Variants in PTCD3 observed in about 807,000 individuals in gnomAD.
PTCD3 encodes the protein small ribosomal subunit protein mS39.
In PTCD3, 89 loss-of-function variants were observed where a neutral mutation model predicts 101.9. The observed-to-expected ratio is 0.87, with a 90% CI of 0.74 to 1.04. The LOEUF is 1.04. Ranked by LOEUF, PTCD3 falls within the 50% of genes least tolerant of loss-of-function variation. The pLI is 0.00. For synonymous variants in PTCD3, 296 were observed against 278.5 expected (o/e 1.06, Z -0.63); for missense variants, 870 against 828.2 (o/e 1.05, Z -0.62).
chr2:86,110,964 C>T, intron 3 of PTCD3, 149 bp from the exon 4 acceptor site: 1 of 802,720 alleles, frequency 1.2e-6, no homozygotes, highest in Non-Finnish European at 2.2e-6. Context: ...TTCTTAATTT[C>T]TAATTTATTC....
intron 12 of PTCD3, 126 bp downstream of exon 12, chr2:86,126,006 G>A (rs749383515): frequency 6.8e-6 from 4 of 586,416 alleles, no homozygotes; most frequent in Non-Finnish European, 1.2e-5. Context: ...GAGGCGGGCA[G>A]ATCACCTGAG....
rs778971151 is a variant in PTCD3, at chr2:86,136,592, G to A, written c.1820+30G>A. 2.5e-6 allele frequency: 4 copies of A among 1,599,468 alleles called. No homozygotes were observed. In the Admixed American group the frequency reaches 6.7e-5, roughly 27 times the overall value. Reference sequence around the variant, plus strand: ...GTTGAAATCAGCCAGCTCTCTTTGGGTACAGCCTGGAAGTAGCCACATTTG... The same window carrying A: ...GTTGAAATCAGCCAGCTCTCTTTGGATACAGCCTGGAAGTAGCCACATTTG... On this transcript the variant is annotated intron_variant, in intron 22 of 23. Coordinates refer to ENST00000254630, the MANE Select transcript of PTCD3 (RefSeq NM_017952.6).
intron 8 of PTCD3, among the ~76,000 whole-genome samples, chr2:86,122,373 G>A (rs1018490193): frequency 6.6e-6 from 1 of 152,088 alleles, no homozygotes; most frequent in Non-Finnish European, 1.5e-5. Flanking sequence ...GTTTTTCTTC[G>A]TTTCTATCTT....
At chr2:86,115,801 G>A (rs1362826040) in intron 4 of PTCD3, among the ~76,000 whole-genome samples, 1 of 152,162 alleles carries the variant, frequency 6.6e-6, no homozygotes, top group Non-Finnish European at 1.5e-5. Context: ...ATGGGTAACA[G>A]GACGTGGGAG....
rs2104467922 is a variant in PTCD3, at chr2:86,142,114, T to C, written c.*4555T>C. 1 of 152,294 alleles carries C rather than the reference T, an allele frequency of 6.6e-6. No individual in the cohort carries two copies. Among genetic ancestry groups the C allele is most frequent in the Admixed American group, 6.5e-5 (1 of 15,288 alleles). The allele number at this position is 152,294 out of a possible 1,614,324, so 9.4% of individuals were successfully genotyped here. On this transcript the variant is annotated 3_prime_UTR_variant, in exon 24 of 24. Transcript: ENST00000254630. ...TACTAAGATTCAGAAGCTTGTAGTC[T>C]TCATTATTTTGTTTTACAGGTTAAA... is the stretch of plus-strand genomic sequence containing the variant.
rs747022325 is a variant in PTCD3 at position 86,141,726 on chromosome 2, C to T, written c.*4167C>T. The T allele has an allele frequency of 2.0e-5, 3 of 149,382 alleles. No individual in the cohort carries two copies. In the South Asian group the frequency reaches 6.2e-4, roughly 31 times the overall value. The allele number at this position is 149,382 out of a possible 1,614,324, so 9.3% of individuals were successfully genotyped here. On this transcript the variant is annotated 3_prime_UTR_variant, in exon 24 of 24. Coordinates refer to ENST00000254630, the MANE Select transcript of PTCD3 (RefSeq NM_017952.6). Reference sequence around the variant, plus strand: ...GAGTAAAACAGATTGAGGATGAAACCAAGACAGAAGTGATGATTTGGCTTT... The same window carrying T: ...GAGTAAAACAGATTGAGGATGAAACTAAGACAGAAGTGATGATTTGGCTTT...
chr2:86,116,411 C>A (rs369004525), intron 4 of PTCD3, 119 bp from the exon 5 acceptor site: 3 of 813,248 alleles, frequency 3.7e-6, no homozygotes, highest in Non-Finnish European at 6.0e-6. Context: ...GTGGCACACA[C>A]CTGTAGCCTA....
chr2:86,130,894 T>C, intron 15 of PTCD3, 157 bp downstream of exon 15: 1 of 1,451,572 alleles, frequency 6.9e-7, no homozygotes, highest in Non-Finnish European at 9.1e-7. Context: ...AGCTTAGTAA[T>C]ATTTGCCATG....
chr2:86,108,163 A>C (rs371707975), intron 1 of PTCD3, among the ~76,000 whole-genome samples, 187 bp from the exon 2 acceptor site: 2 of 151,860 alleles, frequency 1.3e-5, no homozygotes, highest in African/African-American at 4.8e-5. Context: ...AGTCTTGTCC[A>C]TATCTTGTAT....
intron 21 of PTCD3, 100 bp downstream of exon 21, chr2:86,135,087 A>C: frequency 7.4e-7 from 1 of 1,342,520 alleles, no homozygotes; most frequent in Non-Finnish European, 1.0e-6. Flanking sequence ...GCCACATAAC[A>C]CGTATTTGAT....
chr2:86,108,504 TGAA>T lies in PTCD3; in HGVS notation c.167_169del (p.Glu56del). Reference sequence around the variant, plus strand: ...ATGTTTTCTTTTTTACATTAGGGATTGAAGAAGTAGTAATTCCAAAAAAGAAAA... The same window carrying T: ...ATGTTTTCTTTTTTACATTAGGGATTGAAGTAGTAATTCCAAAAAAGAAAA... On this transcript the variant is annotated inframe_deletion, in exon 3 of 24. Coordinates refer to ENST00000254630, the MANE Select transcript of PTCD3 (RefSeq NM_017952.6). 6.3e-7 allele frequency: 1 copy of T among 1,597,544 alleles called. No homozygotes were observed. The highest frequency in any genetic ancestry group is 2.2e-5 in the East Asian group (1 of 44,682).
chr2:86,121,509 G>C lies in PTCD3; in HGVS notation c.569G>C (p.Ser190Thr). The change falls in exon 8 of 24, where the codon AGT (serine) becomes ACT (threonine). Residue 190 changes from serine to threonine, a missense_variant. Coordinates refer to ENST00000254630, the MANE Select transcript of PTCD3 (RefSeq NM_017952.6). Reference protein sequence around the residue: ...GTTVSLETTNSLLDLLCYYGD... With the variant: ...GTTVSLETTNTLLDLLCYYGD... ...ACTGTGTCTCTTGAAACAACAAATA[G>C]TCTCTTGGATTTATTGTGTTACTAT... is the stretch of plus-strand genomic sequence containing the variant. 1 of 1,606,768 alleles carries C rather than the reference G, an allele frequency of 6.2e-7. No homozygotes were observed.
At chr2:86,136,275 CA>C (rs1394761084) in intron 21 of PTCD3, among the ~76,000 whole-genome samples, 1 of 152,148 alleles carries the variant, frequency 6.6e-6, no homozygotes, top group Non-Finnish European at 1.5e-5. Context: ...TTGACATTGG[CA>C]GCATATCAGA....
intron 1 of PTCD3, 69 bp from the exon 2 acceptor site, chr2:86,108,281 C>T: frequency 1.3e-6 from 2 of 1,533,642 alleles, no homozygotes; most frequent in Non-Finnish European, 1.8e-6. Context: ...GCTCAAAGTA[C>T]ACATAGGTGG....
intron 14 of PTCD3, among the ~76,000 whole-genome samples, chr2:86,129,705 T>C (rs1674461613): frequency 6.6e-6 from 1 of 152,118 alleles, no homozygotes; most frequent in Admixed American, 6.6e-5. Context: ...CTAGAAACAA[T>C]ACATTGAAAA....
intron 4 of PTCD3, 22 bp from the exon 5 acceptor site, chr2:86,116,508 T>C (rs1674180775): frequency 6.4e-7 from 1 of 1,574,498 alleles, no homozygotes; most frequent in African/African-American, 1.4e-5. Context: ...AATATAGAAA[T>C]TGTATTATGT....
At position 86,134,010 on chromosome 2, in the gene PTCD3, C is replaced by T. The variant is rs184660144; in HGVS notation, c.1544-282C>T. Among the ~76,000 whole-genome samples the T allele has an allele frequency of 2.0e-5, 3 of 152,302 alleles. No homozygotes were observed. In the East Asian group the frequency reaches 5.8e-4, roughly 29 times the overall value. On this transcript the variant is annotated intron_variant, in intron 19 of 23. Coordinates refer to ENST00000254630, the MANE Select transcript of PTCD3 (RefSeq NM_017952.6). ...GCTCTAATGAGTGATAAAAGTATAT[C>T]AAATTCCCAAGTGCTATAAAACAAC...
chr2:86,134,216 A>G, intron 19 of PTCD3, 76 bp from the exon 20 acceptor site: 1 of 1,118,914 alleles, frequency 8.9e-7, no homozygotes, highest in Non-Finnish European at 1.3e-6. Flanking sequence ...ACCTACCAAA[A>G]AATAGGTTGA....
At chr2:86,115,397 A>G (rs774666269) in intron 4 of PTCD3, among the ~76,000 whole-genome samples, 1 of 152,226 alleles carries the variant, frequency 6.6e-6, no homozygotes, top group Non-Finnish European at 1.5e-5. Context: ...CCTGGATCAT[A>G]TCACTCTTAA....
Sources: gnomAD v4.1 joint callset for allele counts (sites outside exome capture counted in the v4.1 genomes callset) on GRCh38, gnomAD v4.1.1 for gene constraint, MANE v1.5 for transcripts, NCBI Gene and HGNC (gene_info 2026-07-23, HGNC 2026-07-21) for gene names.